HIVEP2: variants seen among roughly 807,000 people sequenced by gnomAD.
HIVEP2 encodes the protein transcription factor HIVEP2.
A neutral mutation model predicts 180.7 loss-of-function variants in HIVEP2; 14 were observed. The ratio of observed to expected loss-of-function variants is 0.08; its 90% CI spans 0.05 to 0.12. HIVEP2 has a LOEUF of 0.12. HIVEP2 is among the 10% of genes least tolerant of loss of function. HIVEP2 has a pLI of 1.00. For synonymous variants in HIVEP2, 1,184 were observed against 1,136.4 expected, an observed-to-expected ratio of 1.04 and a Z score of -0.84; for missense variants, 2,579 against 3,008.5, an observed-to-expected ratio of 0.86 and a Z score of 3.34.
rs576288686 is a variant in HIVEP2, at chr6:142,912,168, G to A, written c.-641+32931C>T. Among the ~76,000 whole-genome samples, 64 of 152,224 alleles carry A rather than the reference G, an allele frequency of 4.2e-4. 1 individual carries two copies. The highest frequency in any genetic ancestry group is 1.5e-3 in the African/African-American group (62 of 41,528). On this transcript the variant is annotated intron_variant, in intron 1 of 9. Transcript: ENST00000367603. Reference sequence around the variant, plus strand: ...TTAAAAATTAGTTCCTCAGCTGCACGGCCACATTTCAAGTACCCCAAAGCC... The same window carrying A: ...TTAAAAATTAGTTCCTCAGCTGCACAGCCACATTTCAAGTACCCCAAAGCC...
chr6:142,814,563 T>C (rs1237750656), intron 2 of HIVEP2, among the ~76,000 whole-genome samples: 2 of 152,026 alleles, frequency 1.3e-5, no homozygotes, highest in Admixed American at 1.3e-4. Context: ...TGGGAATCGG[T>C]TATATGTGTC....
At chr6:142,886,468 C>T (rs1381735107) in intron 1 of HIVEP2, among the ~76,000 whole-genome samples, 3 of 152,182 alleles carry the variant, frequency 2.0e-5, no homozygotes, top group African/African-American at 2.4e-5. Context: ...GATTTTCGCA[C>T]ATTTTTATAT....
chr6:142,783,059 T>C (rs1316862518), intron 3 of HIVEP2, among the ~76,000 whole-genome samples: 1 of 152,028 alleles, frequency 6.6e-6, no homozygotes, highest in Non-Finnish European at 1.5e-5. Context: ...TAATTAAGAT[T>C]GGTGGGCTGG....
chr6:142,782,911 T>C (rs752362872), intron 3 of HIVEP2, among the ~76,000 whole-genome samples: 6 of 152,358 alleles, frequency 3.9e-5, no homozygotes, highest in Non-Finnish European at 5.9e-5. Flanking sequence ...TGATTTCACT[T>C]TTCTACTGAG....
chr6:142,806,911 T>C (rs1278332015), intron 2 of HIVEP2, among the ~76,000 whole-genome samples: 1 of 152,192 alleles, frequency 6.6e-6, no homozygotes, highest in Non-Finnish European at 1.5e-5. Flanking sequence ...TGTAAGGAGC[T>C]GGCATTGGAA....
intron 2 of HIVEP2, among the ~76,000 whole-genome samples, chr6:142,833,456 G>A (rs981684699): frequency 6.6e-5 from 10 of 152,186 alleles, no homozygotes; most frequent in African/African-American, 2.4e-4. Context: ...AGGAAGGATA[G>A]ACAGAAGGAA....
intron 1 of HIVEP2, among the ~76,000 whole-genome samples, chr6:142,921,222 C>T (rs564195435): frequency 6.6e-6 from 1 of 152,166 alleles, no homozygotes; most frequent in African/African-American, 2.4e-5. Flanking sequence ...ACAAACAGCC[C>T]TGCCTCAAAA....
chr6:142,874,004 C>T (rs1183273630), intron 1 of HIVEP2, among the ~76,000 whole-genome samples: 1 of 152,168 alleles, frequency 6.6e-6, no homozygotes, highest in Admixed American at 6.5e-5. Context: ...AATTGACCCA[C>T]TGCAAATGGT....
At chr6:142,916,629 C>G (rs1317203601) in intron 1 of HIVEP2, among the ~76,000 whole-genome samples, 7 of 152,152 alleles carry the variant, frequency 4.6e-5, no homozygotes. Flanking sequence ...ATGAAGCTCT[C>G]CTGTTCTCCT....
intron 1 of HIVEP2, among the ~76,000 whole-genome samples, chr6:142,934,868 G>A (rs1778016849): frequency 6.6e-6 from 1 of 152,072 alleles, no homozygotes; most frequent in South Asian, 2.1e-4. Context: ...GTGTAGTGGT[G>A]GAAAGGAATA....
chr6:142,860,208 G>T (rs980257786), intron 1 of HIVEP2, among the ~76,000 whole-genome samples: 4 of 152,150 alleles, frequency 2.6e-5, no homozygotes, highest in African/African-American at 4.8e-5. Flanking sequence ...TCCCATTCAT[G>T]TTAAGAAGAA....
At chr6:142,820,524 T>C (rs902471757) in intron 2 of HIVEP2, among the ~76,000 whole-genome samples, 1 of 152,226 alleles carries the variant, frequency 6.6e-6, no homozygotes, top group African/African-American at 2.4e-5. Flanking sequence ...AAAGGTTGCT[T>C]CCTGCTGATT....
In HIVEP2 at chr6:142,769,829, T is replaced by A. The variant is rs1175855081; in HGVS notation, c.4910A>T (p.Gln1637Leu). The change falls in exon 5 of 10, where the codon CAG (glutamine) becomes CTG (leucine). Residue 1637 changes from glutamine (Q) to leucine (L), a missense_variant. Physicochemically the swap from Gln to Leu is moderately radical, Grantham distance 113. Transcript: ENST00000367603. ...TDMADFQQIL[Q>L]FPSLRTTTTV... ...AGTTGTTGTCCGCAGACTGGGGAAC[T>A]GAAGAATCTGCTGGAAATCTGCCAT... 1 of 1,614,180 alleles carries A rather than the reference T, an allele frequency of 6.2e-7. No individual in the cohort carries two copies. The highest frequency in any genetic ancestry group is 1.7e-5 in the Admixed American group (1 of 60,028).
chr6:142,795,823 C>A (rs1339929473), intron 2 of HIVEP2, among the ~76,000 whole-genome samples: 3 of 152,154 alleles, frequency 2.0e-5, no homozygotes, highest in Non-Finnish European at 4.4e-5. Context: ...GATCACACAG[C>A]AGTGGGTCAC....
At chr6:142,921,266 G>A (rs754921339) in intron 1 of HIVEP2, among the ~76,000 whole-genome samples, 14 of 152,228 alleles carry the variant, frequency 9.2e-5, no homozygotes, top group East Asian at 1.9e-4. Flanking sequence ...GATAGGCTGC[G>A]CAAGGTGGCT....
intron 6 of HIVEP2, among the ~76,000 whole-genome samples, chr6:142,767,630 C>A (rs1775407951): frequency 6.6e-6 from 1 of 152,146 alleles, no homozygotes; most frequent in African/African-American, 2.4e-5. Context: ...ATTTTAGAAG[C>A]ATAAGTGTAG....
At chr6:142,932,765 A>T (rs1777970532) in intron 1 of HIVEP2, among the ~76,000 whole-genome samples, 1 of 152,224 alleles carries the variant, frequency 6.6e-6, no homozygotes, top group Non-Finnish European at 1.5e-5. Flanking sequence ...AAGGTGTTTA[A>T]GTAGAATCTG....
intron 1 of HIVEP2, among the ~76,000 whole-genome samples, chr6:142,904,418 CT>C (rs1298577625): frequency 6.6e-6 from 1 of 152,152 alleles, no homozygotes; most frequent in East Asian, 1.9e-4. Context: ...CCTTGTAAAG[CT>C]GTTGTTCATG....
In HIVEP2 at chr6:142,900,396, C is replaced by T. The variant is rs1777105847; in HGVS notation, c.-641+44703G>A. Among the ~76,000 whole-genome samples the T allele has an allele frequency of 2.0e-5, 3 of 152,180 alleles. No homozygotes were observed. In the South Asian group the frequency reaches 6.2e-4, roughly 32 times the overall value. ...CCACTTCACCAATCACTCCACGCCA[C>T]CTCACCACCCTGGGCCACACGGTAT... On this transcript the variant is annotated intron_variant, in intron 1 of 9. Transcript: ENST00000367603.
Sources: gnomAD v4.1 joint callset for allele counts (sites outside exome capture counted in the v4.1 genomes callset) on GRCh38, gnomAD v4.1.1 for gene constraint, MANE v1.5 for transcripts, NCBI Gene and HGNC (gene_info 2026-07-23, HGNC 2026-07-21) for gene names.